Variants in SLCO3A1 observed in about 807,000 individuals in gnomAD.
The protein encoded by SLCO3A1 is PGE1 transporter.
A neutral mutation model predicts 63.1 loss-of-function variants in SLCO3A1; 27 were observed. The observed-to-expected ratio is 0.43, with a 90% CI of 0.32 to 0.59. The LOEUF (loss-of-function observed/expected upper bound fraction) is 0.59, where lower values mean the gene tolerates loss of function less well. Among genes scored for constraint, SLCO3A1 ranks in the 20% least tolerant of loss-of-function variants. The probability of loss-of-function intolerance (pLI) is 0.09; values close to 1 mark genes in which losing one functional copy is unlikely to be tolerated. For missense variants in SLCO3A1, 773 were observed against 945.8 expected (o/e 0.82, Z 2.40); for synonymous variants, 473 against 409.9 (o/e 1.15, Z -1.86).
chr15:92,164,035 A>T lies in SLCO3A1; in HGVS notation c.*900A>T. On this transcript the variant is annotated 3_prime_UTR_variant, in exon 10 of 10. Transcript: ENST00000318445. ...TTGCCAAAAACATTTTGCCATTTTT[A>T]AAAGAAAAAAATACAATCCATATGA... The T allele has an allele frequency of 2.0e-6, 2 of 985,242 alleles. No homozygotes were observed. The highest frequency in any genetic ancestry group is 2.4e-6 in the Non-Finnish European group (2 of 829,700). 61.0% of individuals were successfully genotyped at this position (985,242 alleles called of 1,614,324 possible).
intron 1 of SLCO3A1, among the ~76,000 whole-genome samples, chr15:91,915,420 A>G (rs1898621340): frequency 6.6e-6 from 1 of 152,186 alleles, no homozygotes. Flanking sequence ...GGAAATGTAC[A>G]CTGGAAATTT....
At chr15:92,093,884 A>T (rs1315296301) in intron 2 of SLCO3A1, among the ~76,000 whole-genome samples, 3 of 151,818 alleles carry the variant, frequency 2.0e-5, no homozygotes, top group Non-Finnish European at 4.4e-5. Context: ...TTCATCTCTC[A>T]CCCTGCTCTC....
At chr15:91,978,715 T>C (rs1455314801) in intron 2 of SLCO3A1, among the ~76,000 whole-genome samples, 1 of 152,258 alleles carries the variant, frequency 6.6e-6, no homozygotes, top group East Asian at 1.9e-4. Flanking sequence ...ACTAAGTAGA[T>C]AGATTAAACT....
At chr15:91,971,173 A>G (rs950051397) in intron 2 of SLCO3A1, among the ~76,000 whole-genome samples, 5 of 151,906 alleles carry the variant, frequency 3.3e-5, no homozygotes, top group African/African-American at 1.2e-4. Context: ...AGGCGGGCGG[A>G]TCATGGGATC....
intron 2 of SLCO3A1, among the ~76,000 whole-genome samples, chr15:91,926,317 C>G (rs1567188954): frequency 6.6e-6 from 1 of 152,170 alleles, no homozygotes. Flanking sequence ...TGTGCAGGAA[C>G]AGTAAGTGTT....
intron 2 of SLCO3A1, among the ~76,000 whole-genome samples, chr15:92,078,424 G>C (rs184048602): frequency 1.3e-5 from 2 of 152,208 alleles, no homozygotes; most frequent in Non-Finnish European, 2.9e-5. Context: ...AGGAGCTGCT[G>C]TGCTTCTTGC....
In SLCO3A1 at chr15:92,147,064, G is replaced by A. The variant is rs2048235280; in HGVS notation, c.1593G>A (p.Gly531=). Reference sequence around the variant, plus strand: ...TTCCTGGAAAATGCCCCAGTCCTGGGTGCCAAGAGGCCTTCCTCACTTTCC... The same window carrying A: ...TTCCTGGAAAATGCCCCAGTCCTGGATGCCAAGAGGCCTTCCTCACTTTCC... The part of the protein sequence containing the change: ...TVVPGKCPSP[G]CQEAFLTFLC... The change falls in exon 8 of 10, where the codon GGG becomes GGA. Residue 531 remains glycine (G), a synonymous_variant. Coordinates refer to ENST00000318445, the MANE Select transcript of SLCO3A1 (RefSeq NM_013272.4). 1.9e-6 allele frequency: 3 copies of A among 1,614,028 alleles called. No homozygotes were observed. Among genetic ancestry groups the A allele is most frequent in the Admixed American group, 3.3e-5 (2 of 60,006 alleles).
At chr15:92,169,697 C>A (rs908083259), downstream of SLCO3A1, among the ~76,000 whole-genome samples, 1 of 152,238 alleles carries the variant, frequency 6.6e-6, no homozygotes, top group Non-Finnish European at 1.5e-5. Context: ...ATGCCTGGCA[C>A]CCCTGTAGTC....
chr15:92,025,815 C>T (rs779857755), intron 2 of SLCO3A1, among the ~76,000 whole-genome samples: 12 of 152,172 alleles, frequency 7.9e-5, no homozygotes, highest in East Asian at 1.9e-4. Context: ...GCTGATGCCG[C>T]GTGATGCATG....
chr15:92,167,750 G>A (rs895539943), downstream of SLCO3A1, among the ~76,000 whole-genome samples: 5 of 152,266 alleles, frequency 3.3e-5, no homozygotes, highest in Admixed American at 2.6e-4. Flanking sequence ...AGCCACCCAC[G>A]CCTGCCTCAT....
At chr15:91,905,971 G>T (rs964744816) in intron 1 of SLCO3A1, among the ~76,000 whole-genome samples, 30 of 152,164 alleles carry the variant, frequency 2.0e-4, no homozygotes, top group Non-Finnish European at 4.3e-4. Flanking sequence ...CACAGTGCTT[G>T]GTCACTTGGG....
At chr15:91,972,098 T>C (rs1900897924) in intron 2 of SLCO3A1, among the ~76,000 whole-genome samples, 1 of 152,156 alleles carries the variant, frequency 6.6e-6, no homozygotes, top group Non-Finnish European at 1.5e-5. Flanking sequence ...ATAATGAGAA[T>C]TGACTATATA....
At chr15:91,993,414 A>T (rs900477434) in intron 2 of SLCO3A1, among the ~76,000 whole-genome samples, 10 of 152,354 alleles carry the variant, frequency 6.6e-5, no homozygotes, top group African/African-American at 2.4e-4. Context: ...ATAATGACTT[A>T]GAGTAGAAAT....
chr15:92,069,946 G>C (rs868349608), intron 2 of SLCO3A1, among the ~76,000 whole-genome samples: 41 of 152,322 alleles, frequency 2.7e-4, no homozygotes, highest in African/African-American at 9.4e-4. Context: ...TTTATAATAA[G>C]AAAGTGAAAA....
intron 2 of SLCO3A1, among the ~76,000 whole-genome samples, chr15:92,071,032 G>A (rs62008606): frequency 2.6e-5 from 4 of 152,142 alleles, no homozygotes; most frequent in African/African-American, 7.2e-5. Flanking sequence ...TCATATGAGA[G>A]GGAAAAAGAG....
intron 2 of SLCO3A1, among the ~76,000 whole-genome samples, chr15:92,007,705 G>A (rs2046327664): frequency 6.6e-6 from 1 of 152,164 alleles, no homozygotes; most frequent in African/African-American, 2.4e-5. Flanking sequence ...AGAGGGCGTG[G>A]AGGAAGGAAA....
At chr15:92,081,352 CTTTTTCTCCTTTTTTT>C (rs2047343663) in intron 2 of SLCO3A1, among the ~76,000 whole-genome samples, 2 of 143,010 alleles carry the variant, frequency 1.4e-5, no homozygotes, top group African/African-American at 2.7e-5. Context: ...TTTTTTTTTT[CTTTTTCTCCTTTTTTT>C]GAGACAGAGT....
At chr15:92,076,410 C>T (rs567613869) in intron 2 of SLCO3A1, among the ~76,000 whole-genome samples, 55 of 152,286 alleles carry the variant, frequency 3.6e-4, no homozygotes, top group African/African-American at 1.1e-3. Flanking sequence ...GTACTTTCCC[C>T]GGATGCAGGA....
chr15:92,168,054 T>G (rs929799097), downstream of SLCO3A1, among the ~76,000 whole-genome samples: 1 of 152,188 alleles, frequency 6.6e-6, no homozygotes, highest in Non-Finnish European at 1.5e-5. Flanking sequence ...GATGCAAAAG[T>G]GGAAAAGTTT....
Sources: gnomAD v4.1 joint callset for allele counts (sites outside exome capture counted in the v4.1 genomes callset) on GRCh38, gnomAD v4.1.1 for gene constraint, MANE v1.5 for transcripts, NCBI Gene and HGNC (gene_info 2026-07-23, HGNC 2026-07-21) for gene names.